Variants in PTPRO observed in about 807,000 individuals in gnomAD.
The protein encoded by PTPRO is receptor-type tyrosine-protein phosphatase O.
A neutral mutation model predicts 145.2 loss-of-function variants in PTPRO; 62 were observed. The ratio of observed to expected loss-of-function variants is 0.43; its 90% CI spans 0.35 to 0.53. The LOEUF (loss-of-function observed/expected upper bound fraction) is 0.53. Among genes scored for constraint, PTPRO ranks in the 20% least tolerant of loss-of-function variants. The pLI, the probability that PTPRO is intolerant of heterozygous loss-of-function variation, is 0.01. For synonymous variants in PTPRO, 565 were observed against 514.7 expected (o/e 1.10, Z -1.32); for missense variants, 1,345 against 1,482.7 (o/e 0.91, Z 1.53).
chr12:15,412,280 T>C (rs925324823), intron 1 of PTPRO, among the ~76,000 whole-genome samples: 1 of 152,244 alleles, frequency 6.6e-6, no homozygotes, highest in African/African-American at 2.4e-5. Flanking sequence ...CTTAAACCAA[T>C]GTACGATGTC....
intron 1 of PTPRO, among the ~76,000 whole-genome samples, chr12:15,450,442 AT>A (rs1941015643): frequency 6.6e-6 from 1 of 152,118 alleles, no homozygotes; most frequent in African/African-American, 2.4e-5. Context: ...CAAGAACACA[AT>A]TTTTAAGCCT....
chr12:15,557,805 A>T (rs1209831588), intron 16 of PTPRO, among the ~76,000 whole-genome samples: 1 of 152,180 alleles, frequency 6.6e-6, no homozygotes, highest in Admixed American at 6.5e-5. Flanking sequence ...TGTGCTGAAA[A>T]AGGGCTTAAA....
At chr12:15,477,052 G>A (rs370343705) in intron 1 of PTPRO, among the ~76,000 whole-genome samples, 2 of 32,982 alleles carry the variant, frequency 6.1e-5, no homozygotes, top group East Asian at 6.4e-4. Context: ...ACATGCACAC[G>A]TATGTTTATT....
chr12:15,360,744 CTATG>C (rs1340279329), intron 1 of PTPRO, among the ~76,000 whole-genome samples: 2 of 141,502 alleles, frequency 1.4e-5, no homozygotes, highest in African/African-American at 2.6e-5. Flanking sequence ...AACACACACA[CTATG>C]TGTGTGTATA....
intron 13 of PTPRO, 40 bp from the exon 14 acceptor site, chr12:15,549,054 G>A (rs1302361079): frequency 6.3e-7 from 1 of 1,599,114 alleles, no homozygotes; most frequent in African/African-American, 1.3e-5. Flanking sequence ...AAATATAGAT[G>A]AAGTTAACCT....
chr12:15,369,636 T>C (rs917997970), intron 1 of PTPRO, among the ~76,000 whole-genome samples: 1 of 152,224 alleles, frequency 6.6e-6, no homozygotes, highest in Non-Finnish European at 1.5e-5. Flanking sequence ...ATGCTCAAGC[T>C]TTTTATGGAA....
At position 15,546,647 on chromosome 12, in the gene PTPRO, T is replaced by C. The variant is rs148881861; in HGVS notation, c.2243T>C (p.Val748Ala). ...SVTLLWVEEG[V>A]ADFFEVFCQQ... Reference sequence around the variant, plus strand: ...ACTTTGCTGTGGGTGGAAGAGGGAGTAGCTGATTTCTTTGAAGTTTTCTGT... The same window carrying C: ...ACTTTGCTGTGGGTGGAAGAGGGAGCAGCTGATTTCTTTGAAGTTTTCTGT... The change falls in exon 13 of 27, where the codon GTA becomes GCA. Residue 748 changes from valine to alanine, a missense_variant. Val to Ala is a moderately conservative substitution (Grantham distance 64, BLOSUM62 0). Around this residue, in one of 3 missense-constraint regions of PTPRO, gnomAD observed 1,130 missense variants for 1,214.7 expected, o/e 0.93. Transcript: ENST00000281171. 6.2e-7 allele frequency: 1 copy of C among 1,613,700 alleles called. No individual in the cohort carries two copies. The highest frequency in any genetic ancestry group is 8.5e-7 in the Non-Finnish European group (1 of 1,179,872).
chr12:15,324,969 T>C (rs576150637), intron 1 of PTPRO, among the ~76,000 whole-genome samples: 21 of 152,288 alleles, frequency 1.4e-4, no homozygotes, highest in African/African-American at 4.8e-4. Context: ...AAAACAGATC[T>C]ACTCAAGCAG....
intron 1 of PTPRO, among the ~76,000 whole-genome samples, chr12:15,483,264 C>G (rs1008132145): frequency 1.7e-4 from 26 of 152,066 alleles, no homozygotes; most frequent in African/African-American, 6.3e-4. Context: ...ATATTTAAAC[C>G]AATTCCATGG....
chr12:15,512,376 A>G (rs1942460090), intron 7 of PTPRO, among the ~76,000 whole-genome samples: 1 of 152,150 alleles, frequency 6.6e-6, no homozygotes, highest in South Asian at 2.1e-4. Context: ...TGGCCTCCCA[A>G]AGTGCTGGGA....
chr12:15,576,362 C>T (rs922382753), intron 19 of PTPRO, among the ~76,000 whole-genome samples: 4 of 152,208 alleles, frequency 2.6e-5, no homozygotes, highest in Non-Finnish European at 5.9e-5. Context: ...GCCAATTAAA[C>T]CTCTCTTATC....
At chr12:15,579,580 A>G (rs1248632581) in intron 20 of PTPRO, among the ~76,000 whole-genome samples, 1 of 152,236 alleles carries the variant, frequency 6.6e-6, no homozygotes, top group Non-Finnish European at 1.5e-5. Context: ...AACACTTCAC[A>G]TCTGTACACA....
At chr12:15,460,648 G>GA (rs1407249827) in intron 1 of PTPRO, among the ~76,000 whole-genome samples, 7 of 151,920 alleles carry the variant, frequency 4.6e-5, no homozygotes, top group Non-Finnish European at 5.9e-5. Flanking sequence ...TTCTTTATGG[G>GA]AAAAAAAGAG....
intron 25 of PTPRO, 106 bp from the exon 26 acceptor site, chr12:15,594,831 A>T (rs1944625017): frequency 2.6e-6 from 2 of 777,962 alleles, no homozygotes; most frequent in Non-Finnish European, 4.4e-6. Context: ...AATAATGAAA[A>T]TGGTTTCCTT....
At position 15,447,945 on chromosome 12, in the gene PTPRO, T is replaced by C. The variant is rs185232108; in HGVS notation, c.76-36029T>C. ...GAAATATTTATTTTATTTCAAACTATAATTCCAGTTGATCTGCCTAGCAGA... is the reference window on the plus strand; with the variant it reads ...GAAATATTTATTTTATTTCAAACTACAATTCCAGTTGATCTGCCTAGCAGA... On this transcript the variant is annotated intron_variant, in intron 1 of 26. Coordinates refer to ENST00000281171, the MANE Select transcript of PTPRO (RefSeq NM_030667.3). 4.7e-4 allele frequency among the ~76,000 whole-genome samples: 72 copies of C among 152,310 alleles called. No individual in the cohort carries two copies. The Middle Eastern group carries it at 0.01, about 22-fold the overall frequency.
chr12:15,517,432 C>G lies in PTPRO; in HGVS notation c.1779+476C>G, dbSNP rs576644247. 7.9e-5 allele frequency among the ~76,000 whole-genome samples: 12 copies of G among 152,246 alleles called. No individual in the cohort carries two copies. In the East Asian group the frequency reaches 1.7e-3, roughly 22 times the overall value. On this transcript the variant is annotated intron_variant, in intron 9 of 26. Transcript: ENST00000281171. ...AACACAACCAAACCATATTATTCTG[C>G]CCCTTGCCCCTCCCAAATCTCATGT... is the stretch of plus-strand genomic sequence containing the variant.
chr12:15,587,786 C>T (rs142022710), intron 24 of PTPRO, among the ~76,000 whole-genome samples: 16 of 152,300 alleles, frequency 1.1e-4, no homozygotes, highest in South Asian at 6.2e-4. Flanking sequence ...GGGACATAAA[C>T]GTGCTCCAAT....
At chr12:15,486,638 TAATC>T (rs1941893759) in intron 2 of PTPRO, among the ~76,000 whole-genome samples, 2 of 152,250 alleles carry the variant, frequency 1.3e-5, no homozygotes, top group Admixed American at 6.5e-5. Flanking sequence ...ATGGTTTACT[TAATC>T]CATTATATTC....
chr12:15,396,285 G>A (rs958806670), intron 1 of PTPRO, among the ~76,000 whole-genome samples: 1 of 152,110 alleles, frequency 6.6e-6, no homozygotes, highest in Admixed American at 6.6e-5. Context: ...TTAAGGTTTA[G>A]TGACAAGTGC....
Sources: allele counts gnomAD v4.1 joint callset (sites outside exome capture counted in the v4.1 genomes callset), GRCh38; gene constraint gnomAD v4.1.1; regional missense constraint gnomAD v4.1.1; transcripts MANE v1.5; gene names NCBI Gene and HGNC (gene_info 2026-07-23, HGNC 2026-07-21).